Variants in TNS1 observed in about 807,000 individuals in gnomAD.
TNS1 encodes tensin-1.
Under a neutral mutation model 168.6 loss-of-function variants are expected in TNS1, and 62 were observed. The ratio of observed to expected loss-of-function variants is 0.37; its 90% CI spans 0.30 to 0.45. The LOEUF (loss-of-function observed/expected upper bound fraction) is 0.45, where lower values mean the gene tolerates loss of function less well. Ranked by LOEUF, TNS1 falls within the 20% of genes least tolerant of loss-of-function variation. TNS1 has a pLI of 1.00. For missense variants in TNS1, 2,240 were observed against 2,339.4 expected, an observed-to-expected ratio of 0.96 and a Z score of 0.88; for synonymous variants, 934 against 933.2, an observed-to-expected ratio of 1.00 and a Z score of -0.02.
intron 3 of TNS1, among the ~76,000 whole-genome samples, chr2:217,923,646 C>T (rs1474673097): frequency 6.6e-6 from 1 of 152,188 alleles, no homozygotes; most frequent in African/African-American, 2.4e-5. Context: ...GGAGTGAGTG[C>T]ACTATGTCTA....
In TNS1 at chr2:218,033,309, G is replaced by C. The variant is rs1559416221; in HGVS notation, c.156+511C>G. Among the ~76,000 whole-genome samples the C allele has an allele frequency of 6.6e-6, 1 of 152,106 alleles. No homozygotes were observed. The highest frequency in any genetic ancestry group is 2.4e-5 in the African/African-American group (1 of 41,418). On this transcript the variant is annotated intron_variant, in intron 1 of 1. Coordinates refer to the TNS1 transcript ENST00000649572. The surrounding 1 kb of genome is among the most constrained non-coding windows in gnomAD (Gnocchi z 4.3). ...CCACTGCCAGGTCAGCTCCCCACTT[G>C]CTAGTCTCTGAGACTTACCCAGCAC...
Position 217,836,203 on chromosome 2 carries a change from C to T in TNS1, c.3016G>A (p.Ala1006Thr). 1 of 1,608,776 alleles carries T rather than the reference C, an allele frequency of 6.2e-7. No individual in the cohort carries two copies. Among genetic ancestry groups the T allele is most frequent in the Non-Finnish European group, 8.5e-7 (1 of 1,176,906 alleles). Residue 1006 changes from alanine (A) to threonine (T), a missense_variant, in exon 20 of 33, where the codon GCT (alanine) becomes ACT (threonine). By Grantham distance (58) the Ala-to-Thr change is moderately conservative. This residue lies in a region of TNS1 where 2,131 missense variants were observed against 2,171.2 expected (regional missense o/e 0.98). Transcript: ENST00000682258. The stretch of plus-strand genomic sequence containing the variant: ...GGCTCTGCAGGCTGCTTCTCCCGAG[C>T]CTGTACCCCTGGGAGGAAAGCAGGG... ...LVAHRVAGVQAREKQPAEPPA... is the reference protein window; with the variant it reads ...LVAHRVAGVQTREKQPAEPPA...
In TNS1 at chr2:217,801,076, C is replaced by T. The variant is rs929038139; in HGVS notation, c.*3383G>A. 1 of 152,176 alleles carries T rather than the reference C, an allele frequency of 6.6e-6. No homozygotes were observed. The highest frequency in any genetic ancestry group is 1.5e-5 in the Non-Finnish European group (1 of 68,058). The allele number at this position is 152,176 out of a possible 1,614,324, so 9.4% of individuals were successfully genotyped here. On this transcript the variant is annotated 3_prime_UTR_variant, in exon 33 of 33. Transcript: ENST00000682258. The stretch of plus-strand genomic sequence containing the variant: ...CCTCAAAAACCAGGGGAGAAGGAAT[C>T]CTGGCCATTGGTGTCCACAGCTTTC...
chr2:217,975,208 C>T (rs1203368802), intron 3 of TNS1, among the ~76,000 whole-genome samples: 2 of 152,140 alleles, frequency 1.3e-5, no homozygotes, highest in Non-Finnish European at 2.9e-5. Flanking sequence ...GAAAATGATC[C>T]TCCAGCCCCA....
chr2:217,927,968 C>T (rs750694720), intron 3 of TNS1, among the ~76,000 whole-genome samples: 1 of 152,212 alleles, frequency 6.6e-6, no homozygotes, highest in Non-Finnish European at 1.5e-5. Context: ...GGTGACCCTC[C>T]TATCTGTGGA....
At chr2:217,928,068 G>C (rs567463370) in intron 3 of TNS1, among the ~76,000 whole-genome samples, 5 of 152,226 alleles carry the variant, frequency 3.3e-5, no homozygotes, top group African/African-American at 7.2e-5. Flanking sequence ...AGGCAAGCTG[G>C]GAGGCCCAGG....
intron 2 of TNS1, chr2:217,979,053 C>T: frequency 4.3e-6 from 2 of 467,158 alleles, no homozygotes; most frequent in South Asian, 5.9e-5. Context: ...CAGAGCCCCT[C>T]CGGGTGCGGG....
At chr2:217,987,868 G>C (rs181605923) in intron 2 of TNS1, among the ~76,000 whole-genome samples, 1 of 152,146 alleles carries the variant, frequency 6.6e-6, no homozygotes, top group Non-Finnish European at 1.5e-5. Context: ...GGGTGGCCCT[G>C]GTTGGGTGGG....
chr2:217,951,266 G>A (rs900429542), intron 3 of TNS1, among the ~76,000 whole-genome samples: 1 of 152,092 alleles, frequency 6.6e-6, no homozygotes, highest in South Asian at 2.1e-4. Context: ...CATAAATGTT[G>A]GCTCCCCAGA....
intron 30 of TNS1, among the ~76,000 whole-genome samples, chr2:217,809,251 G>A (rs1574548729): frequency 1.1e-5 from 1 of 87,388 alleles, no homozygotes; most frequent in Admixed American, 1.1e-4. Flanking sequence ...ATGGATGGAT[G>A]CATGGATGGA....
At chr2:217,936,652 A>G (rs928837858) in intron 3 of TNS1, among the ~76,000 whole-genome samples, 3 of 151,938 alleles carry the variant, frequency 2.0e-5, no homozygotes, top group African/African-American at 7.3e-5. Flanking sequence ...CAGTCTCATC[A>G]TGTCTTCCCT....
chr2:217,818,093 A>G lies in TNS1; in HGVS notation c.4239T>C (p.Ser1413=). 1 of 1,613,688 alleles carries G rather than the reference A, an allele frequency of 6.2e-7. No homozygotes were observed. The highest frequency in any genetic ancestry group is 8.5e-7 in the Non-Finnish European group (1 of 1,179,884). Residue 1413 remains serine (S), a synonymous_variant, in exon 24 of 33, where the codon TCT becomes TCC. Transcript: ENST00000682258. The part of the protein sequence containing the change: ...SLGRHLGGSG[S]VVPGSPCLDR... The stretch of plus-strand genomic sequence containing the variant: ...CCAAGCAGGGGCTGCCGGGAACCAC[A>G]GATCCAGACCCTCCGAGGTGACGGC...
At chr2:217,858,002 A>G (rs1948357646) in intron 18 of TNS1, among the ~76,000 whole-genome samples, 2 of 152,268 alleles carry the variant, frequency 1.3e-5, no homozygotes, top group African/African-American at 4.8e-5. Flanking sequence ...GTCAGGAGAA[A>G]GCCGTGAATG....
At chr2:217,891,646 G>A (rs543891737) in intron 11 of TNS1, among the ~76,000 whole-genome samples, 75 of 152,278 alleles carry the variant, frequency 4.9e-4, no homozygotes, top group Non-Finnish European at 8.7e-4. Context: ...AAAAGATCAC[G>A]AAGCTCCAGT....
At position 217,885,176 on chromosome 2, in the gene TNS1, G is replaced by C. The variant is rs1951071836; in HGVS notation, c.1117-12C>G. 6.2e-7 allele frequency: 1 copy of C among 1,614,178 alleles called. No homozygotes were observed. Among genetic ancestry groups the C allele is most frequent in the African/African-American group, 1.3e-5 (1 of 75,068 alleles). On this transcript the variant is annotated splice_polypyrimidine_tract_variant and intron_variant, in intron 15 of 32. Transcript: ENST00000682258. ...TGGTAGCACTTCAGCTGGGTGGGAA[G>C]ACGGGCAGAACCAGTCAGGGGCCTG...
intron 18 of TNS1, among the ~76,000 whole-genome samples, chr2:217,872,917 G>A (rs1401843401): frequency 6.6e-6 from 1 of 152,200 alleles, no homozygotes; most frequent in Non-Finnish European, 1.5e-5. Context: ...ATTGGGTCAA[G>A]TAAAAGAAAC....
rs1270908520 is a variant in TNS1 at position 218,032,292 on chromosome 2, G to A, written c.156+1528C>T. Among the ~76,000 whole-genome samples the A allele has an allele frequency of 6.6e-6, 1 of 152,170 alleles. No homozygotes were observed. Among genetic ancestry groups the A allele is most frequent in the African/African-American group, 2.4e-5 (1 of 41,436 alleles). On this transcript the variant is annotated intron_variant, in intron 1 of 1. Transcript: ENST00000649572. The surrounding 1 kb of genome is among the most constrained non-coding windows in gnomAD (Gnocchi z 4.0). The stretch of plus-strand genomic sequence containing the variant: ...GCTGGCCAGGGGAGAAAGAGGAGTG[G>A]GCAATGGGGCCTGGGGGACAAGGCA...
chr2:218,015,361 G>A (rs1206136312), upstream of TNS1, among the ~76,000 whole-genome samples: 1 of 152,020 alleles, frequency 6.6e-6, no homozygotes, highest in Non-Finnish European at 1.5e-5. Context: ...GGAGGGGGAG[G>A]GGGAAAGAGA....
rs13417442 is a variant in TNS1, at chr2:217,809,891, C to G, written c.5205G>C (p.Thr1735=). ...ATSETLAADP[T]PAATIVHFKV... ...TGAAGTGAACGATGGTGGCAGCTGG[C>G]GTGGGGTCTGCAGCCAACGTCTCAG... The change falls in exon 30 of 33, where the codon ACG becomes ACC. Residue 1735 remains threonine (T), a synonymous_variant. Coordinates refer to ENST00000682258, the MANE Select transcript of TNS1 (RefSeq NM_001387777.1). 10 of 1,613,938 alleles carry G rather than the reference C, an allele frequency of 6.2e-6. No homozygotes were observed. The African/African-American group carries it at 1.3e-4, about 22-fold the overall frequency.
Sources: allele counts gnomAD v4.1 joint callset (sites outside exome capture counted in the v4.1 genomes callset), GRCh38; gene constraint gnomAD v4.1.1; regional missense constraint gnomAD v4.1.1; non-coding constraint Gnocchi (gnomAD v3.1); transcripts MANE v1.5; gene names NCBI Gene and HGNC (gene_info 2026-07-23, HGNC 2026-07-21).